The following SERPINB5 variants were observed in gnomAD, a reference collection of about 807,000 sequenced individuals.
The protein encoded by SERPINB5 is serpin family B member 5, also known as serpin B5.
In SERPINB5, 27 loss-of-function variants were observed where a neutral mutation model predicts 32.2. That is an observed-to-expected ratio of 0.84 (90% CI 0.62 to 1.16). The LOEUF (loss-of-function observed/expected upper bound fraction) is 1.16, where lower values mean the gene tolerates loss of function less well. Ranked by LOEUF, SERPINB5 falls within the 50% of genes most tolerant of loss-of-function variation. The pLI is 0.00. For synonymous variants in SERPINB5, 154 were observed against 157.4 expected (o/e 0.98, Z 0.16); for missense variants, 388 against 436.3 (o/e 0.89, Z 0.99).
At chr18:63,490,340 C>G (rs1218034321) in intron 4 of SERPINB5, among the ~76,000 whole-genome samples, 1 of 152,124 alleles carries the variant, frequency 6.6e-6, no homozygotes, top group Non-Finnish European at 1.5e-5. Flanking sequence ...AGGCGTCTCC[C>G]TCGTCGGACT....
chr18:63,476,984 C>G lies in SERPINB5; in HGVS notation c.-69C>G, dbSNP rs1917046002. The G allele has an allele frequency of 6.6e-6, 1 of 152,360 alleles. No homozygotes were observed. Among genetic ancestry groups the G allele is most frequent in the South Asian group, 2.1e-4 (1 of 4,832 alleles). The allele number at this position is 152,360 out of a possible 1,614,324, so 9.4% of individuals were successfully genotyped here. On this transcript the variant is annotated 5_prime_UTR_variant, in exon 1 of 7. Transcript: ENST00000382771. Reference sequence around the variant, plus strand: ...GACACGGTCGCCTCCACATCCAGGTCTTTGTGCTCCTCGCTTGCCTGTTCC... The same window carrying G: ...GACACGGTCGCCTCCACATCCAGGTGTTTGTGCTCCTCGCTTGCCTGTTCC...
intron 4 of SERPINB5, 68 bp downstream of exon 4, chr18:63,489,532 T>A: frequency 3.5e-6 from 3 of 846,170 alleles, no homozygotes; most frequent in Non-Finnish European, 5.7e-6. Context: ...CATAAATGTT[T>A]GCTCCAAGGA....
Position 63,489,353 on chromosome 18 carries a change from A to T in SERPINB5, c.313A>T (p.Ile105Phe). The change falls in exon 4 of 7, where the codon ATC becomes TTC. Residue 105 changes from isoleucine to phenylalanine, a missense_variant. Coordinates refer to ENST00000382771, the MANE Select transcript of SERPINB5 (RefSeq NM_002639.5). ...TGAACTGCATGTTTTTCAGGAGTTC[A>T]TCAGCTCTACGAAGAGACCGTATGC... is the stretch of plus-strand genomic sequence containing the variant. ...DKSLNLSTEF[I>F]SSTKRPYAKE... The T allele has an allele frequency of 6.3e-7, 1 of 1,591,626 alleles. No individual in the cohort carries two copies. Among genetic ancestry groups the T allele is most frequent in the Non-Finnish European group, 8.6e-7 (1 of 1,163,876 alleles).
intron 4 of SERPINB5, among the ~76,000 whole-genome samples, chr18:63,490,923 T>A (rs1462014326): frequency 6.6e-6 from 1 of 152,192 alleles, no homozygotes; most frequent in African/African-American, 2.4e-5. Flanking sequence ...GGTGTACCCA[T>A]CACCCAAGCA....
At position 63,504,920 on chromosome 18, in the gene SERPINB5, G is replaced by A. The variant is rs915322788; in HGVS notation, c.*1198G>A. On this transcript the variant is annotated 3_prime_UTR_variant, in exon 7 of 7. Coordinates refer to ENST00000382771, the MANE Select transcript of SERPINB5 (RefSeq NM_002639.5). ...GGTTGGATAAGCTATCCGTGTTGCA[G>A]GTTCATGGATTACTTCTCTATAAAA... The A allele has an allele frequency of 6.6e-6, 1 of 151,372 alleles. No homozygotes were observed. The highest frequency in any genetic ancestry group is 2.4e-5 in the African/African-American group (1 of 41,106). The allele number at this position is 151,372 out of a possible 1,614,324, so 9.4% of individuals were successfully genotyped here. A position where few individuals can be genotyped will look rare whatever the true frequency, so the allele number is the denominator to read the frequency against.
intron 1 of SERPINB5, among the ~76,000 whole-genome samples, chr18:63,483,039 T>G (rs1471033154): frequency 6.6e-6 from 1 of 152,158 alleles, no homozygotes; most frequent in Non-Finnish European, 1.5e-5. Flanking sequence ...ATCATGAGAA[T>G]AGTTTTAACC....
chr18:63,496,938 C>T (rs1353917601), intron 5 of SERPINB5: 5 of 401,062 alleles, frequency 1.2e-5, no homozygotes, highest in Non-Finnish European at 2.4e-5. Context: ...CATGGGCTCC[C>T]TTTAAGAAGA....
chr18:63,495,777 GT>G (rs1301386054), intron 5 of SERPINB5, among the ~76,000 whole-genome samples: 3 of 152,184 alleles, frequency 2.0e-5, no homozygotes, highest in Non-Finnish European at 4.4e-5. Context: ...ATTAATAAAA[GT>G]TTGAAATGTC....
In SERPINB5 at chr18:63,503,934, A is replaced by C. The variant is rs779455966; in HGVS notation, c.*212A>C. ...TTGTTTCCTTTTTTCCCATAAGACA[A>C]TGACATACGCTTTTAATGAAAAGGA... On this transcript the variant is annotated 3_prime_UTR_variant, in exon 7 of 7. Coordinates refer to ENST00000382771, the MANE Select transcript of SERPINB5 (RefSeq NM_002639.5). 1.6e-5 allele frequency: 9 copies of C among 559,136 alleles called. No homozygotes were observed. Among genetic ancestry groups the C allele is most frequent in the Non-Finnish European group, 2.5e-5 (8 of 320,976 alleles). 34.6% of individuals were successfully genotyped at this position (559,136 alleles called of 1,614,324 possible). A position where few individuals can be genotyped will look rare whatever the true frequency, so the allele number is the denominator to read the frequency against.
In SERPINB5 at chr18:63,504,745, G is replaced by A. The variant is rs1204331522; in HGVS notation, c.*1023G>A. 1 of 152,108 alleles carries A rather than the reference G, an allele frequency of 6.6e-6. No homozygotes were observed. Among genetic ancestry groups the A allele is most frequent in the Non-Finnish European group, 1.5e-5 (1 of 68,016 alleles). 9.4% of individuals were successfully genotyped at this position (152,108 alleles called of 1,614,324 possible). A position where few individuals can be genotyped will look rare whatever the true frequency, so the allele number is the denominator to read the frequency against. On this transcript the variant is annotated 3_prime_UTR_variant, in exon 7 of 7. Transcript: ENST00000382771. The stretch of plus-strand genomic sequence containing the variant: ...TTGTCTCTTCATCTAATATGATAGC[G>A]GGAAAAGGAGAGGAAACTACTGCCT...
At chr18:63,483,173 C>CT (rs1318826842) in intron 1 of SERPINB5, among the ~76,000 whole-genome samples, 1 of 152,222 alleles carries the variant, frequency 6.6e-6, no homozygotes, top group South Asian at 2.1e-4. Context: ...GCTATATCCA[C>CT]TTTACCAGGC....
chr18:63,492,837 G>A, intron 4 of SERPINB5, 116 bp from the exon 5 acceptor site: 1 of 1,265,870 alleles, frequency 7.9e-7, no homozygotes, highest in East Asian at 2.3e-5. Context: ...GGAACCATCA[G>A]GCCTTACATG....
In SERPINB5 at chr18:63,488,845, T is replaced by C. The variant is rs551624762; in HGVS notation, c.307-502T>C. On this transcript the variant is annotated intron_variant, in intron 3 of 6. Transcript: ENST00000382771. ...TTTGTTAAAATGCATTCTGATTCAGTATGTCTGGGGTGGGGTCTGAGATTC... is the reference window on the plus strand; with the variant it reads ...TTTGTTAAAATGCATTCTGATTCAGCATGTCTGGGGTGGGGTCTGAGATTC... Among the ~76,000 whole-genome samples, 4 of 152,250 alleles carry C rather than the reference T, an allele frequency of 2.6e-5. No homozygotes were observed. The South Asian group carries it at 8.3e-4, about 32-fold the overall frequency.
At position 63,480,012 on chromosome 18, in the gene SERPINB5, G is replaced by A. The variant is rs74606767; in HGVS notation, c.-8+2967G>A. Among the ~76,000 whole-genome samples the A allele has an allele frequency of 9.7e-4, 147 of 152,308 alleles. 1 individual carries two copies. The East Asian group carries it at 0.018, about 19-fold the overall frequency. On this transcript the variant is annotated intron_variant, in intron 1 of 6. Transcript: ENST00000382771. ...AAGAAAGCAGGTGATCAGGTGTGGC[G>A]GGGAAGTGCCAGGCTGGGAGCTAGA...
intron 6 of SERPINB5, 38 bp from the exon 7 acceptor site, chr18:63,503,292 A>G (rs1909607592): frequency 6.4e-7 from 1 of 1,566,070 alleles, no homozygotes; most frequent in Admixed American, 1.9e-5. Flanking sequence ...ACAGTTGGAA[A>G]TAAATAAAAA....
In SERPINB5 at chr18:63,485,128, A is replaced by G. The variant is rs554335705; in HGVS notation, c.168+532A>G. Among the ~76,000 whole-genome samples, 219 of 152,278 alleles carry G rather than the reference A, an allele frequency of 1.4e-3. 1 individual carries two copies. Among genetic ancestry groups the G allele is most frequent in the African/African-American group, 5.0e-3 (208 of 41,550 alleles). ...ACCTGGAGATCTGCTGGGTAATCACAGCTTTTTCATTCTGACTTATAATAT... is the reference window on the plus strand; with the variant it reads ...ACCTGGAGATCTGCTGGGTAATCACGGCTTTTTCATTCTGACTTATAATAT... On this transcript the variant is annotated intron_variant, in intron 2 of 6. Coordinates refer to ENST00000382771, the MANE Select transcript of SERPINB5 (RefSeq NM_002639.5).
At chr18:63,485,708 A>C (rs1390083646) in intron 2 of SERPINB5, 1 of 152,312 alleles carries the variant, frequency 6.6e-6, no homozygotes, top group Non-Finnish European at 1.5e-5. Flanking sequence ...AGCTCTTCTC[A>C]GTATATGCAA....
Position 63,489,414 on chromosome 18 carries a change from T to G in SERPINB5, c.374T>G (p.Leu125Trp). The G allele has an allele frequency of 1.2e-6, 2 of 1,613,378 alleles. No individual in the cohort carries two copies. Among genetic ancestry groups the G allele is most frequent in the Non-Finnish European group, 1.7e-6 (2 of 1,179,678 alleles). Residue 125 changes from leucine to tryptophan, a missense_variant, in exon 4 of 7, where the codon TTG (leucine) becomes TGG (tryptophan). By Grantham distance (61) the Leu-to-Trp change is moderately conservative (BLOSUM62 -2). Transcript: ENST00000382771. ...ELETVDFKDK[L>W]EETKGQINNS... ...GAAACTGTTGACTTCAAAGATAAAT[T>G]GGAAGAAACGAAAGGTCAGATCAAC...
intron 5 of SERPINB5, among the ~76,000 whole-genome samples, chr18:63,494,544 C>T (rs927318599): frequency 2.6e-5 from 4 of 152,094 alleles, no homozygotes; most frequent in African/African-American, 4.8e-5. Context: ...GTAGCTCCTA[C>T]GCGTCAGTTC....
Sources: gnomAD v4.1 joint callset for allele counts (sites outside exome capture counted in the v4.1 genomes callset) on GRCh38, gnomAD v4.1.1 for gene constraint, MANE v1.5 for transcripts, NCBI Gene and HGNC (gene_info 2026-07-23, HGNC 2026-07-21) for gene names.